The following ZBTB20 variants were observed in gnomAD, a reference collection of about 807,000 sequenced individuals.
ZBTB20 encodes zinc finger and BTB domain containing 20, also known as zinc finger and BTB domain-containing protein 20.
ZBTB20 carries 9 observed loss-of-function variants against 56.9 expected under a neutral mutation model. The observed-to-expected ratio is 0.16, with a 90% CI of 0.10 to 0.28. The LOEUF is 0.28. Ranked by LOEUF, ZBTB20 falls within the 10% of genes least tolerant of loss-of-function variation. ZBTB20 has a pLI of 1.00. For missense variants in ZBTB20, 655 were observed against 1,003.0 expected (o/e 0.65, Z 4.69); for synonymous variants, 417 against 420.7 (o/e 0.99, Z 0.11).
At chr3:114,354,023 A>C (rs1018301125) in intron 10 of ZBTB20, among the ~76,000 whole-genome samples, 1 of 152,188 alleles carries the variant, frequency 6.6e-6, no homozygotes, top group Non-Finnish European at 1.5e-5. Context: ...CTCTGTTGTA[A>C]AGCTGTGTGA....
At chr3:114,987,392 A>T (rs1010585871) in intron 2 of ZBTB20, among the ~76,000 whole-genome samples, 3 of 152,122 alleles carry the variant, frequency 2.0e-5, no homozygotes, top group African/African-American at 7.2e-5. Context: ...AGACTGTTGA[A>T]TCTATCTGAA....
chr3:114,822,266 G>A (rs1291326995), intron 4 of ZBTB20, among the ~76,000 whole-genome samples: 2 of 151,902 alleles, frequency 1.3e-5, no homozygotes, highest in South Asian at 2.1e-4. Flanking sequence ...ATAGTTTCTG[G>A]AAAAATCTAA....
At chr3:114,951,134 C>T (rs1686619537) in intron 3 of ZBTB20, among the ~76,000 whole-genome samples, 1 of 151,962 alleles carries the variant, frequency 6.6e-6, no homozygotes, top group Non-Finnish European at 1.5e-5. Context: ...AATTCACTTA[C>T]CTATATTTTT....
At chr3:114,884,529 A>C (rs2076533215) in intron 4 of ZBTB20, among the ~76,000 whole-genome samples, 1 of 152,164 alleles carries the variant, frequency 6.6e-6, no homozygotes. Flanking sequence ...TAGACACATT[A>C]AACTAAGGAA....
At chr3:114,446,916 AG>A (rs1238546493) in intron 7 of ZBTB20, among the ~76,000 whole-genome samples, 1 of 152,210 alleles carries the variant, frequency 6.6e-6, no homozygotes, top group Non-Finnish European at 1.5e-5. Flanking sequence ...AGAGATATTC[AG>A]TAATATCTCC....
At chr3:115,044,362 A>G (rs186922132) in intron 2 of ZBTB20, among the ~76,000 whole-genome samples, 10 of 152,322 alleles carry the variant, frequency 6.6e-5, no homozygotes, top group South Asian at 4.1e-4. Context: ...TTACAGATAC[A>G]TTCATTTTAT....
At chr3:114,519,587 A>C (rs1216195426) in intron 6 of ZBTB20, 1 of 152,086 alleles carries the variant, frequency 6.6e-6, no homozygotes, top group African/African-American at 2.4e-5. Flanking sequence ...GCATGCGCTG[A>C]TTTCCCCACT....
chr3:114,341,853 C>CT lies in ZBTB20; in HGVS notation c.1805-2428dup, dbSNP rs1491456766. 7.2e-5 allele frequency among the ~76,000 whole-genome samples: 11 copies of CT among 152,300 alleles called. No homozygotes were observed. The South Asian group carries it at 2.3e-3, about 32-fold the overall frequency. ...CTGAGTCCGTGGTGGACTGCAACCC[C>CT]TGAGGACTCTAGTCCTGGCCTTGTC... On this transcript the variant is annotated intron_variant, in intron 11 of 11. Transcript: ENST00000675478.
At chr3:114,647,722 C>T (rs2059925471) in intron 6 of ZBTB20, among the ~76,000 whole-genome samples, 1 of 152,114 alleles carries the variant, frequency 6.6e-6, no homozygotes. Context: ...AGTAAATACT[C>T]AGTACTTCTC....
chr3:114,461,302 C>A (rs7613515), intron 7 of ZBTB20, among the ~76,000 whole-genome samples: 5 of 150,840 alleles, frequency 3.3e-5, no homozygotes, highest in South Asian at 4.2e-4. Context: ...CTCCTCCCCC[C>A]CCCCTCTTTT....
chr3:114,421,370 G>A (rs2089154015), intron 7 of ZBTB20, among the ~76,000 whole-genome samples: 1 of 152,138 alleles, frequency 6.6e-6, no homozygotes, highest in Non-Finnish European at 1.5e-5. Flanking sequence ...ATACTCCTCT[G>A]GGGATATTTC....
chr3:114,985,555 G>A lies in ZBTB20; in HGVS notation c.-506-11139C>T, dbSNP rs148878266. On this transcript the variant is annotated intron_variant, in intron 2 of 11. Coordinates refer to ENST00000675478, the MANE Select transcript of ZBTB20 (RefSeq NM_001348800.3). ...CACTTCCCCATTAAACTTTTGATATGTCATTATGTCCTTTTATGATGTCAA... is the reference window on the plus strand; with the variant it reads ...CACTTCCCCATTAAACTTTTGATATATCATTATGTCCTTTTATGATGTCAA... Among the ~76,000 whole-genome samples, 24 of 152,180 alleles carry A rather than the reference G, an allele frequency of 1.6e-4. No individual in the cohort carries two copies. The East Asian group carries it at 3.5e-3, about 22-fold the overall frequency.
At chr3:115,032,457 G>T (rs1038740183) in intron 2 of ZBTB20, among the ~76,000 whole-genome samples, 2 of 151,254 alleles carry the variant, frequency 1.3e-5, no homozygotes, top group Admixed American at 1.3e-4. Context: ...GATATTTTCT[G>T]GGAAGAGAAA....
At chr3:114,528,564 A>C (rs2047491183) in intron 6 of ZBTB20, 1 of 152,210 alleles carries the variant, frequency 6.6e-6, no homozygotes, top group African/African-American at 2.4e-5. Flanking sequence ...ATAATTTACG[A>C]TAAAATATCA....
rs370656935 is a variant in ZBTB20 at position 115,040,672 on chromosome 3, C to T, written c.-507+30547G>A. On this transcript the variant is annotated intron_variant, in intron 2 of 11. Transcript: ENST00000675478. ...ATATTTGGGGTCAATATAAGCCATG[C>T]TAAGGTGTTTGGGTTTAATCTTGGG... 1.0e-3 allele frequency among the ~76,000 whole-genome samples: 158 copies of T among 152,126 alleles called. 1 individual carries two copies. The highest frequency in any genetic ancestry group is 1.4e-3 in the Non-Finnish European group (94 of 67,950).
chr3:115,118,355 T>C (rs921452322), intron 1 of ZBTB20, among the ~76,000 whole-genome samples: 2 of 152,134 alleles, frequency 1.3e-5, no homozygotes, highest in South Asian at 2.1e-4. Flanking sequence ...GTGCTACTGT[T>C]CCTGGTTTGT....
At chr3:114,602,769 A>C (rs369572182) in intron 6 of ZBTB20, among the ~76,000 whole-genome samples, 50 of 152,162 alleles carry the variant, frequency 3.3e-4, no homozygotes, top group African/African-American at 1.0e-3. Flanking sequence ...AACTCCCCCC[A>C]AAAACTCATA....
intron 4 of ZBTB20, among the ~76,000 whole-genome samples, chr3:114,896,738 C>A (rs2074897963): frequency 6.6e-6 from 1 of 151,812 alleles, no homozygotes; most frequent in African/African-American, 2.4e-5. Flanking sequence ...GAACTGTATA[C>A]CAAAAAATAG....
intron 6 of ZBTB20, among the ~76,000 whole-genome samples, chr3:114,585,514 C>G (rs1471766892): frequency 6.6e-6 from 1 of 152,150 alleles, no homozygotes; most frequent in Non-Finnish European, 1.5e-5. Flanking sequence ...AGGAAGAAAT[C>G]TATTTCTGTG....
Sources: gnomAD v4.1 joint callset for allele counts (sites outside exome capture counted in the v4.1 genomes callset) on GRCh38, gnomAD v4.1.1 for gene constraint, MANE v1.5 for transcripts, NCBI Gene and HGNC (gene_info 2026-07-23, HGNC 2026-07-21) for gene names.